The following SLC26A3 variants were observed in gnomAD, a reference collection of about 807,000 sequenced individuals.
SLC26A3 encodes chloride anion exchanger.
In SLC26A3, 64 loss-of-function variants were observed where a neutral mutation model predicts 85.6. That is an observed-to-expected ratio of 0.75 (90% CI 0.61 to 0.92). The LOEUF (loss-of-function observed/expected upper bound fraction) is 0.92, where lower values mean the gene tolerates loss of function less well. Among genes scored for constraint, SLC26A3 ranks in the 40% least tolerant of loss-of-function variants. The pLI is 0.00. For synonymous variants in SLC26A3, 349 were observed against 336.0 expected (o/e 1.04, Z -0.42); for missense variants, 922 against 927.3 (o/e 0.99, Z 0.07).
intron 1 of SLC26A3, among the ~76,000 whole-genome samples, chr7:107,795,855 T>C (rs983886984): frequency 6.6e-6 from 1 of 152,080 alleles, no homozygotes; most frequent in Non-Finnish European, 1.5e-5. Context: ...TGCCCTCATA[T>C]ACCTTATGGG....
intron 18 of SLC26A3, among the ~76,000 whole-genome samples, chr7:107,770,792 T>G (rs1002056955): frequency 6.6e-6 from 1 of 152,118 alleles, no homozygotes; most frequent in Non-Finnish European, 1.5e-5. Flanking sequence ...AGGAAGAAGG[T>G]AAGCAGGAAC....
intron 1 of SLC26A3, among the ~76,000 whole-genome samples, chr7:107,799,097 T>C (rs1794559366): frequency 6.6e-6 from 1 of 152,098 alleles, no homozygotes; most frequent in Non-Finnish European, 1.5e-5. Flanking sequence ...GGGAGAGGGC[T>C]GGAGTGGTGA....
chr7:107,794,503 C>T lies in SLC26A3; in HGVS notation c.7G>A (p.Glu3Lys). The change falls in exon 2 of 21, where the codon GAA becomes AAA. Residue 3 changes from glutamate to lysine, a missense_variant. Transcript: ENST00000340010. ...ACAATATACTGATTCCCAAAGGGTT[C>T]AATCATTTTGATTTTTCTGTTGGCT... MI[E>K]PFGNQYIVAR... 6.2e-7 allele frequency: 1 copy of T among 1,613,970 alleles called. No homozygotes were observed. Among genetic ancestry groups the T allele is most frequent in the Non-Finnish European group, 8.5e-7 (1 of 1,179,870 alleles).
intron 1 of SLC26A3, among the ~76,000 whole-genome samples, chr7:107,799,003 G>A (rs1309748944): frequency 6.6e-6 from 1 of 152,116 alleles, no homozygotes; most frequent in Admixed American, 6.5e-5. Context: ...GCAGCCAGAG[G>A]AATCAGAAAT....
chr7:107,768,725 A>G (rs375523340), intron 18 of SLC26A3, among the ~76,000 whole-genome samples: 5 of 152,230 alleles, frequency 3.3e-5, no homozygotes, highest in African/African-American at 7.2e-5. Context: ...ATCATGTACT[A>G]TGAAAATTCT....
chr7:107,770,023 T>TTTCTTTCTTTC, intron 18 of SLC26A3, among the ~76,000 whole-genome samples: 1 of 41,158 alleles, frequency 2.4e-5, no homozygotes, highest in Non-Finnish European at 4.5e-5. Flanking sequence ...TCTTTCTTTC[T>TTTCTTTCTTTC]TTCTTTCTTT....
At chr7:107,800,728 GT>G (rs5886424) in intron 1 of SLC26A3, among the ~76,000 whole-genome samples, 62,551 of 152,082 alleles carry the variant, frequency 0.41, 13,395 homozygotes, top group African/African-American at 0.5. Flanking sequence ...AAACTCCAAA[GT>G]TTACATACAC....
In SLC26A3 at chr7:107,793,876, G is replaced by C; in HGVS notation, c.137C>G (p.Ser46Cys). Residue 46 changes from serine to cysteine, a missense_variant, in exon 3 of 21, where the codon TCC becomes TGC. Physicochemically the swap from Ser to Cys is moderately radical, Grantham distance 112 (BLOSUM62 -1). Coordinates refer to ENST00000340010, the MANE Select transcript of SLC26A3 (RefSeq NM_000111.3). ...LDHLKVCCSC[S>C]PQKAKRIVLS... ...GACAATTCTCTTGGCCTTTTGTGGG[G>C]AACAGCTGAAAACATGGAAAGCCAC... is the stretch of plus-strand genomic sequence containing the variant. 1 of 1,613,994 alleles carries C rather than the reference G, an allele frequency of 6.2e-7. No individual in the cohort carries two copies. Among genetic ancestry groups the C allele is most frequent in the Middle Eastern group, 1.6e-4 (1 of 6,062 alleles).
intron 5 of SLC26A3, among the ~76,000 whole-genome samples, chr7:107,790,152 A>G (rs549789437): frequency 6.6e-6 from 1 of 152,304 alleles, no homozygotes; most frequent in South Asian, 2.1e-4. Context: ...AGAAATACAT[A>G]ACTGCATATT....
chr7:107,800,247 C>T (rs1443364181), intron 1 of SLC26A3, among the ~76,000 whole-genome samples: 1 of 152,182 alleles, frequency 6.6e-6, no homozygotes, highest in African/African-American at 2.4e-5. Flanking sequence ...GTAATTTTGG[C>T]ACGTTGGGAG....
chr7:107,802,696 T>C (rs914468070), intron 1 of SLC26A3, among the ~76,000 whole-genome samples: 10 of 151,432 alleles, frequency 6.6e-5, no homozygotes, highest in African/African-American at 2.4e-4. Context: ...GAATCCTTTC[T>C]AGTAGGTGAT....
chr7:107,773,092 C>T (rs909353083), intron 17 of SLC26A3, among the ~76,000 whole-genome samples: 7 of 152,174 alleles, frequency 4.6e-5, no homozygotes, highest in African/African-American at 1.4e-4. Context: ...TATGATTAAT[C>T]TGTGGAAAGA....
chr7:107,785,836 C>T (rs541302853), intron 8 of SLC26A3, among the ~76,000 whole-genome samples: 2 of 152,024 alleles, frequency 1.3e-5, no homozygotes, highest in Non-Finnish European at 2.9e-5. Flanking sequence ...CATATAAATG[C>T]TGATTTCTCG....
chr7:107,790,968 G>A, intron 5 of SLC26A3, 80 bp downstream of exon 5: 1 of 1,434,906 alleles, frequency 7.0e-7, no homozygotes, highest in East Asian at 2.4e-5. Context: ...AGGAGTGGCA[G>A]GGGGGAGGAA....
intron 3 of SLC26A3, among the ~76,000 whole-genome samples, chr7:107,792,517 C>T (rs1477022415): frequency 6.6e-6 from 1 of 151,938 alleles, no homozygotes; most frequent in African/African-American, 2.4e-5. Context: ...GGTTTGCACT[C>T]CTATGAGAAT....
At chr7:107,788,957 A>AT (rs1794346578) in intron 6 of SLC26A3, among the ~76,000 whole-genome samples, 18 of 135,414 alleles carry the variant, frequency 1.3e-4, no homozygotes, top group Admixed American at 1.3e-3. Flanking sequence ...TAATTATTTT[A>AT]TTTTTTGTAA....
intron 1 of SLC26A3, among the ~76,000 whole-genome samples, chr7:107,802,742 C>CTTTCT (rs1794619341): frequency 9.0e-6 from 1 of 110,774 alleles, no homozygotes; most frequent in African/African-American, 3.5e-5. Flanking sequence ...TTAAAGCTTG[C>CTTTCT]TTTTTTTTTT....
intron 3 of SLC26A3, 101 bp downstream of exon 3, chr7:107,793,641 G>A (rs1285839231): frequency 3.4e-6 from 3 of 879,118 alleles, no homozygotes; most frequent in Non-Finnish European, 5.4e-6. Flanking sequence ...AGATAGTGGT[G>A]ACAGATGCAC....
chr7:107,783,181 A>T, intron 9 of SLC26A3, 24 bp downstream of exon 9: 1 of 1,614,110 alleles, frequency 6.2e-7, no homozygotes, highest in Non-Finnish European at 8.5e-7. Context: ...GCCCAGTGAG[A>T]CCCAGTGTAG....
Sources: gnomAD v4.1 joint callset for allele counts (sites outside exome capture counted in the v4.1 genomes callset) on GRCh38, gnomAD v4.1.1 for gene constraint, MANE v1.5 for transcripts, NCBI Gene and HGNC (gene_info 2026-07-23, HGNC 2026-07-21) for gene names.